Variants in ZNF546 observed in about 807,000 individuals in gnomAD.
ZNF546 encodes the protein zinc finger protein 546, also known as CTC-471F3.6.
Under a neutral mutation model 76.2 loss-of-function variants are expected in ZNF546, and 60 were observed. The observed-to-expected ratio is 0.79, with a 90% CI of 0.64 to 0.98. The LOEUF (loss-of-function observed/expected upper bound fraction) is 0.98. Among genes scored for constraint, ZNF546 ranks in the 50% least tolerant of loss-of-function variants. The pLI, the probability that ZNF546 is intolerant of heterozygous loss-of-function variation, is 0.00. For synonymous variants in ZNF546, 277 were observed against 328.1 expected (o/e 0.84, Z 1.68); for missense variants, 936 against 1,035.6 (o/e 0.90, Z 1.32).
chr19:40,008,478 A>T lies in ZNF546; in HGVS notation c.307A>T (p.Ile103Phe). The T allele has an allele frequency of 6.2e-7, 1 of 1,609,282 alleles. No individual in the cohort carries two copies. Among genetic ancestry groups the T allele is most frequent in the Middle Eastern group, 1.7e-4 (1 of 6,036 alleles). ...YSNLVSLGYT[I>F]PKPDVITLLE... ...TCTTTTCTCATGAGCAGGATATACC[A>T]TTCCTAAGCCAGATGTGATTACTTT... Residue 103 changes from isoleucine to phenylalanine, a missense_variant, in exon 6 of 7, where the codon ATT becomes TTT. Physicochemically the swap from Ile to Phe is conservative, Grantham distance 21. Transcript: ENST00000347077.
intron 3 of ZNF546, among the ~76,000 whole-genome samples, chr19:40,001,781 G>A: frequency 6.6e-6 from 1 of 152,084 alleles, no homozygotes; most frequent in East Asian, 1.9e-4. Context: ...TAAAAAATGG[G>A]CATGAGACTC....
chr19:40,017,412 A>G lies in ZNF546; in HGVS notation c.*1631A>G, dbSNP rs755678867. On this transcript the variant is annotated 3_prime_UTR_variant, in exon 7 of 7. Coordinates refer to ENST00000347077, the MANE Select transcript of ZNF546 (RefSeq NM_178544.5). Reference sequence around the variant, plus strand: ...AGTTATGTTCTATCTAGATTCAGCAATTGTTAATATGTTGTCACATTTGGT... The same window carrying G: ...AGTTATGTTCTATCTAGATTCAGCAGTTGTTAATATGTTGTCACATTTGGT... The G allele has an allele frequency of 4.0e-4, 61 of 152,218 alleles. No homozygotes were observed. Among genetic ancestry groups the G allele is most frequent in the African/African-American group, 1.4e-3 (60 of 41,448 alleles). The allele number at this position is 152,218 out of a possible 1,614,324, so 9.4% of individuals were successfully genotyped here. A position where few individuals can be genotyped will look rare whatever the true frequency, so the allele number is the denominator to read the frequency against.
In ZNF546 at chr19:40,007,519, G is replaced by A. The variant is rs1353782777; in HGVS notation, c.298+119G>A. The A allele has an allele frequency of 8.0e-6, 9 of 1,126,872 alleles. No individual in the cohort carries two copies. The East Asian group carries it at 2.6e-4, about 33-fold the overall frequency. 69.8% of individuals were successfully genotyped at this position (1,126,872 alleles called of 1,614,324 possible). ...TGACACCCCTATTTCTAAAGTCATA[G>A]TTTCAGCAGTGTTGGGGTGGAAATG... On this transcript the variant is annotated intron_variant, in intron 5 of 6. Transcript: ENST00000347077.
chr19:40,000,311 G>A (rs1971511596), intron 3 of ZNF546, among the ~76,000 whole-genome samples: 1 of 151,730 alleles, frequency 6.6e-6, no homozygotes, highest in Non-Finnish European at 1.5e-5. Flanking sequence ...ACATTTTCTA[G>A]GACAGATTTA....
rs1211926640 is a variant in ZNF546, at chr19:40,015,230, C to T, written c.1960C>T (p.Gln654Ter). 2.5e-6 allele frequency: 4 copies of T among 1,613,774 alleles called. No homozygotes were observed. Among genetic ancestry groups the T allele is most frequent in the Non-Finnish European group, 3.4e-6 (4 of 1,179,936 alleles). The change falls in exon 7 of 7, where the codon CAA (glutamine) becomes TAA (stop). Residue 654 changes from glutamine (Q) to a stop codon, truncating the protein, a stop_gained. Coordinates refer to ENST00000347077, the MANE Select transcript of ZNF546 (RefSeq NM_178544.5). LOFTEE classifies it high-confidence loss of function. ...CTTTATTCGTAGCACTCATCTCACGCAACATCACAGAATTCATACTGGTGA... is the reference window on the plus strand; with the variant it reads ...CTTTATTCGTAGCACTCATCTCACGTAACATCACAGAATTCATACTGGTGA... ...KAFIRSTHLT[Q>*]HHRIHTGEKP...
chr19:40,010,931 C>CA (rs1971663133), intron 6 of ZNF546, among the ~76,000 whole-genome samples: 1 of 152,072 alleles, frequency 6.6e-6, no homozygotes, highest in Non-Finnish European at 1.5e-5. Flanking sequence ...CCACCTGCCT[C>CA]AGCCTCCCAA....
rs754761874 is a variant in ZNF546, at chr19:40,015,791, G to A, written c.*10G>A. ...CCTATGCATAATGTAAAGAGAATAC[G>A]ATGGCCTTTAGAAAATGCCCTTTAG... On this transcript the variant is annotated 3_prime_UTR_variant, in exon 7 of 7. Coordinates refer to ENST00000347077, the MANE Select transcript of ZNF546 (RefSeq NM_178544.5). 6 of 1,611,196 alleles carry A rather than the reference G, an allele frequency of 3.7e-6. No individual in the cohort carries two copies. The highest frequency in any genetic ancestry group is 4.2e-6 in the Non-Finnish European group (5 of 1,178,368).
intron 3 of ZNF546, among the ~76,000 whole-genome samples, chr19:40,000,682 A>C (rs895811437): frequency 6.6e-6 from 1 of 152,006 alleles, no homozygotes; most frequent in Non-Finnish European, 1.5e-5. Context: ...ACAAATATTC[A>C]TGTAAATCTT....
chr19:40,009,109 A>G (rs1599742284), intron 6 of ZNF546, among the ~76,000 whole-genome samples: 1 of 152,188 alleles, frequency 6.6e-6, no homozygotes, highest in East Asian at 1.9e-4. Flanking sequence ...TTGGGGAGTT[A>G]GTAGGGCTAA....
chr19:40,005,159 C>G (rs1006211827), intron 3 of ZNF546, among the ~76,000 whole-genome samples: 10 of 151,876 alleles, frequency 6.6e-5, no homozygotes, highest in Admixed American at 3.9e-4. Context: ...GCTGGGATTA[C>G]AGGCATGTGC....
At chr19:40,001,086 C>T (rs1971523524) in intron 3 of ZNF546, among the ~76,000 whole-genome samples, 1 of 152,022 alleles carries the variant, frequency 6.6e-6, no homozygotes, top group Non-Finnish European at 1.5e-5. Context: ...ATAGGGTTCG[C>T]ACTCCTATGA....
chr19:40,013,128 A>G (rs1483922862), intron 6 of ZNF546, among the ~76,000 whole-genome samples: 1 of 152,120 alleles, frequency 6.6e-6, no homozygotes, highest in Admixed American at 6.5e-5. Context: ...TACAATTCTT[A>G]AAAGTCACAT....
intron 6 of ZNF546, 118 bp downstream of exon 6, chr19:40,008,683 G>T: frequency 1.6e-6 from 1 of 625,838 alleles, no homozygotes. Context: ...GAGGCCTGTG[G>T]AAAAAGGACT....
chr19:40,011,026 T>C (rs1971664559), intron 6 of ZNF546, among the ~76,000 whole-genome samples: 1 of 152,110 alleles, frequency 6.6e-6, no homozygotes, highest in Non-Finnish European at 1.5e-5. Context: ...ATTATTGGGT[T>C]TTGAGAGTCC....
At position 40,007,283 on chromosome 19, in the gene ZNF546, G is replaced by T; in HGVS notation, c.181G>T (p.Ala61Ser). 3 of 1,541,242 alleles carry T rather than the reference G, an allele frequency of 1.9e-6. No homozygotes were observed. The South Asian group carries it at 3.8e-5, about 20-fold the overall frequency. Residue 61 changes from alanine (A) to serine (S), a missense_variant, in exon 5 of 7, where the codon GCA (alanine) becomes TCA (serine). Coordinates refer to ENST00000347077, the MANE Select transcript of ZNF546 (RefSeq NM_178544.5). ...GSKTMANVSL[A>S]FRDVSIDLSQ... ...AGGCTTGTCATTTCAGGTATCTTTGGCATTTAGGGATGTGTCCATAGACCT... is the reference window on the plus strand; with the variant it reads ...AGGCTTGTCATTTCAGGTATCTTTGTCATTTAGGGATGTGTCCATAGACCT...
intron 6 of ZNF546, among the ~76,000 whole-genome samples, chr19:40,009,764 T>A (rs1423457676): frequency 6.6e-6 from 1 of 152,210 alleles, no homozygotes; most frequent in African/African-American, 2.4e-5. Context: ...CTTCCTTTTT[T>A]AAAAATATGG....
chr19:40,009,368 C>T (rs1971643556), intron 6 of ZNF546, among the ~76,000 whole-genome samples: 2 of 152,010 alleles, frequency 1.3e-5, no homozygotes, highest in South Asian at 4.1e-4. Context: ...TTTCATTTTT[C>T]TTGGGAATAT....
At chr19:40,008,433 T>C in intron 5 of ZNF546, 37 bp from the exon 6 acceptor site, 1 of 1,502,158 alleles carries the variant, frequency 6.7e-7, no homozygotes, top group South Asian at 1.3e-5. Context: ...TTTTTGTTTT[T>C]TTCTATAACA....
In ZNF546 at chr19:40,014,462, T is replaced by C; in HGVS notation, c.1192T>C (p.Ser398Pro). Residue 398 changes from serine (S) to proline (P), a missense_variant, in exon 7 of 7, where the codon TCA becomes CCA. Ser to Pro is a moderately conservative substitution (Grantham distance 74, BLOSUM62 -1). Transcript: ENST00000347077. The stretch of plus-strand genomic sequence containing the variant: ...ATGTGGGAAGGCCTTTAGTCATGGC[T>C]CATACCTTGTTCAACATCAGAAAAT... ...NECGKAFSHG[S>P]YLVQHQKIHT... The C allele has an allele frequency of 6.2e-7, 1 of 1,613,358 alleles. No individual in the cohort carries two copies. The highest frequency in any genetic ancestry group is 1.7e-4 in the Middle Eastern group (1 of 6,058).
Sources: allele counts gnomAD v4.1 joint callset (sites outside exome capture counted in the v4.1 genomes callset), GRCh38; gene constraint gnomAD v4.1.1; transcripts MANE v1.5; gene names NCBI Gene and HGNC (gene_info 2026-07-23, HGNC 2026-07-21).